The following PAPPA2 variants were observed in gnomAD, a reference collection of about 807,000 sequenced individuals.
PAPPA2 encodes the protein pappalysin 2, also known as pappalysin-2.
PAPPA2 carries 86 observed loss-of-function variants against 176.4 expected under a neutral mutation model. The ratio of observed to expected loss-of-function variants is 0.49; its 90% CI spans 0.41 to 0.58. The LOEUF (loss-of-function observed/expected upper bound fraction) is 0.58, where lower values mean the gene tolerates loss of function less well. Among genes scored for constraint, PAPPA2 ranks in the 20% least tolerant of loss-of-function variants. The pLI, the probability that PAPPA2 is intolerant of heterozygous loss-of-function variation, is 0.00. For synonymous variants in PAPPA2, 809 were observed against 852.2 expected (o/e 0.95, Z 0.88); for missense variants, 2,073 against 2,256.9 (o/e 0.92, Z 1.65).
chr1:176,679,479 T>G (rs192075124), intron 4 of PAPPA2, among the ~76,000 whole-genome samples: 1 of 152,312 alleles, frequency 6.6e-6, no homozygotes, highest in Non-Finnish European at 1.5e-5. Context: ...GGGTACCTTA[T>G]TAAACATACT....
chr1:176,785,420 T>A (rs1259403623), intron 17 of PAPPA2, among the ~76,000 whole-genome samples: 1 of 152,040 alleles, frequency 6.6e-6, no homozygotes, highest in Non-Finnish European at 1.5e-5. Context: ...GATGCAGAAG[T>A]CCTGGGAGGC....
rs374026570 is a variant in PAPPA2 at position 176,513,337 on chromosome 1, T to G, written c.-916-42070T>G. Among the ~76,000 whole-genome samples the G allele has an allele frequency of 1.6e-4, 24 of 152,248 alleles. No individual in the cohort carries two copies. In the East Asian group the frequency reaches 1.7e-3, roughly 11 times the overall value. On this transcript the variant is annotated intron_variant, in intron 1 of 22. Transcript: ENST00000367662. ...TTATATTTTTCTAAATTGTTAATAA[T>G]TTTTTCTTTATTTTTTCTTTCATTT...
chr1:176,612,623 C>T (rs1163362255), intron 3 of PAPPA2, among the ~76,000 whole-genome samples: 1 of 152,098 alleles, frequency 6.6e-6, no homozygotes, highest in African/African-American at 2.4e-5. Flanking sequence ...AGAACAACTG[C>T]CATAGGTAAT....
intron 16 of PAPPA2, 100 bp from the exon 17 acceptor site, chr1:176,770,867 A>G: frequency 9.1e-7 from 1 of 1,100,878 alleles, no homozygotes; most frequent in Non-Finnish European, 1.3e-6. Context: ...ATGACTTTTG[A>G]AAGGCACCAG....
At chr1:176,553,325 T>C (rs1651076183) in intron 1 of PAPPA2, among the ~76,000 whole-genome samples, 1 of 150,606 alleles carries the variant, frequency 6.6e-6, no homozygotes, top group African/African-American at 2.4e-5. Flanking sequence ...TTTTCACACA[T>C]TGGAACTGAC....
intron 2 of PAPPA2, among the ~76,000 whole-genome samples, chr1:176,571,522 T>G (rs1399866652): frequency 6.6e-6 from 1 of 152,228 alleles, no homozygotes; most frequent in Non-Finnish European, 1.5e-5. Context: ...TATTTCACCC[T>G]TCTGTGAAGA....
chr1:176,623,725 T>G (rs1258538493), intron 3 of PAPPA2, among the ~76,000 whole-genome samples: 1 of 121,234 alleles, frequency 8.2e-6, no homozygotes, highest in Non-Finnish European at 1.7e-5. Flanking sequence ...TTTCTTTCTT[T>G]CTCTTTCTTT....
rs1651306828 is a variant in PAPPA2 at position 176,556,588 on chromosome 1, T to C, written c.266T>C (p.Ile89Thr). ...CCCTACCCCGTGGGGGAGCAAGAAA[T>C]CCATCATACAGGACGCAGCAAACCA... is the stretch of plus-strand genomic sequence containing the variant. ...LRPYPVGEQEIHHTGRSKPDT... is the reference protein window; with the variant it reads ...LRPYPVGEQETHHTGRSKPDT... The change falls in exon 2 of 23, where the codon ATC (isoleucine) becomes ACC (threonine). Residue 89 changes from isoleucine to threonine, a missense_variant. Physicochemically the swap from Ile to Thr is moderately conservative, Grantham distance 89 (BLOSUM62 -1). Transcript: ENST00000367662. The C allele has an allele frequency of 6.2e-7, 1 of 1,614,044 alleles. No homozygotes were observed. The highest frequency in any genetic ancestry group is 8.5e-7 in the Non-Finnish European group (1 of 1,180,016).
intron 6 of PAPPA2, 48 bp from the exon 7 acceptor site, chr1:176,695,690 T>A: frequency 3.1e-6 from 5 of 1,603,980 alleles, no homozygotes; most frequent in Non-Finnish European, 4.3e-6. Flanking sequence ...TCCCAACTCA[T>A]CTGATGGACT....
chr1:176,721,904 A>C (rs1661642311), intron 12 of PAPPA2, among the ~76,000 whole-genome samples: 1 of 148,588 alleles, frequency 6.7e-6, no homozygotes, highest in African/African-American at 2.5e-5. Context: ...GTATCTTTTT[A>C]ACTTTTCTGT....
At chr1:176,826,549 A>G (rs1434595285) in intron 21 of PAPPA2, among the ~76,000 whole-genome samples, 1 of 152,212 alleles carries the variant, frequency 6.6e-6, no homozygotes, top group African/African-American at 2.4e-5. Context: ...GGTCCAACAA[A>G]TCAGGATGTG....
At position 176,654,152 on chromosome 1, in the gene PAPPA2, T is replaced by C. The variant is rs754767910; in HGVS notation, c.1992-16818T>C. Among the ~76,000 whole-genome samples the C allele has an allele frequency of 6.3e-4, 96 of 151,768 alleles. 1 individual carries two copies. Among genetic ancestry groups the C allele is most frequent in the Non-Finnish European group, 2.8e-4 (19 of 67,824 alleles). The stretch of plus-strand genomic sequence containing the variant: ...CCTAGATCAACATCCAGAAGAGTTT[T>C]CCCTAGGTTTTCTTGTAGTATTCTT... On this transcript the variant is annotated intron_variant, in intron 3 of 22. Transcript: ENST00000367662.
chr1:176,601,629 C>T lies in PAPPA2; in HGVS notation c.1991+6034C>T, dbSNP rs149028826. Among the ~76,000 whole-genome samples the T allele has an allele frequency of 1.1e-4, 16 of 152,322 alleles. No homozygotes were observed. The East Asian group carries it at 3.1e-3, about 29-fold the overall frequency. The stretch of plus-strand genomic sequence containing the variant: ...GGCTACATAAGCCAGATGTCTGTTT[C>T]TACATAGTAGCTGCCCTGAGAGATG... On this transcript the variant is annotated intron_variant, in intron 3 of 22. Coordinates refer to ENST00000367662, the MANE Select transcript of PAPPA2 (RefSeq NM_020318.3).
chr1:176,813,447 A>G (rs1571364367), intron 21 of PAPPA2, among the ~76,000 whole-genome samples: 1 of 152,268 alleles, frequency 6.6e-6, no homozygotes, highest in East Asian at 1.9e-4. Flanking sequence ...CTTCACCAGC[A>G]TCTATTGTTT....
chr1:176,588,628 C>T (rs1003990769), intron 2 of PAPPA2, among the ~76,000 whole-genome samples: 4 of 152,138 alleles, frequency 2.6e-5, no homozygotes, highest in African/African-American at 7.2e-5. Flanking sequence ...GCCTAGGCTG[C>T]AAGAGTTTGT....
At chr1:176,699,643 G>A (rs1404293032) in intron 8 of PAPPA2, 54 bp downstream of exon 8, 2 of 1,528,760 alleles carry the variant, frequency 1.3e-6, no homozygotes, top group Non-Finnish European at 1.8e-6. Context: ...GGTGGGTTTT[G>A]TTACTTTTCC....
At chr1:176,472,976 A>G (rs777333740) in intron 1 of PAPPA2, among the ~76,000 whole-genome samples, 8 of 152,102 alleles carry the variant, frequency 5.3e-5, no homozygotes, top group Non-Finnish European at 8.8e-5. Context: ...TACTGTCAGC[A>G]TTTCACCCCA....
rs1658976312 is a variant in PAPPA2, at chr1:176,671,178, A to G, written c.2137+63A>G. Reference sequence around the variant, plus strand: ...CAAAGAAGGCTGAAGGAAGCTTGCGAAAGTAAGTTTGGGGAAAAAAGAAAG... The same window carrying G: ...CAAAGAAGGCTGAAGGAAGCTTGCGGAAGTAAGTTTGGGGAAAAAAGAAAG... On this transcript the variant is annotated intron_variant, in intron 4 of 22. Transcript: ENST00000367662. 8.8e-6 allele frequency: 14 copies of G among 1,591,456 alleles called. No homozygotes were observed. In the Admixed American group the frequency reaches 1.8e-4, roughly 20 times the overall value.
chr1:176,522,312 C>T (rs1225788529), intron 1 of PAPPA2, among the ~76,000 whole-genome samples: 1 of 152,196 alleles, frequency 6.6e-6, no homozygotes, highest in Non-Finnish European at 1.5e-5. Context: ...CCTTTGGTTG[C>T]CATGCTGGGG....
Sources: allele counts gnomAD v4.1 joint callset (sites outside exome capture counted in the v4.1 genomes callset), GRCh38; gene constraint gnomAD v4.1.1; transcripts MANE v1.5; gene names NCBI Gene and HGNC (gene_info 2026-07-23, HGNC 2026-07-21).